Variants in CADPS2 observed in about 807,000 individuals in gnomAD.
CADPS2 encodes calcium dependent secretion activator 2, also known as calcium-dependent secretion activator 2.
Under a neutral mutation model 172.5 loss-of-function variants are expected in CADPS2, and 93 were observed. The ratio of observed to expected loss-of-function variants is 0.54; its 90% CI spans 0.46 to 0.64. The LOEUF (loss-of-function observed/expected upper bound fraction) is 0.64. Ranked by LOEUF, CADPS2 falls within the 30% of genes least tolerant of loss-of-function variation. CADPS2 has a pLI of 0.00. For synonymous variants in CADPS2, 546 were observed against 555.2 expected, an observed-to-expected ratio of 0.98 and a Z score of 0.23; for missense variants, 1,420 against 1,565.9, an observed-to-expected ratio of 0.91 and a Z score of 1.57.
chr7:122,645,573 A>G (rs2078421782), intron 3 of CADPS2, among the ~76,000 whole-genome samples: 1 of 124,596 alleles, frequency 8.0e-6, no homozygotes, highest in Admixed American at 9.0e-5. Flanking sequence ...ATATATGCAT[A>G]TTCTCTAGGC....
intron 1 of CADPS2, among the ~76,000 whole-genome samples, chr7:122,821,286 CTA>C (rs1374374765): frequency 3.3e-5 from 5 of 152,032 alleles, no homozygotes; most frequent in African/African-American, 9.7e-5. Flanking sequence ...GCAGGTTATG[CTA>C]TATAGTACAA....
chr7:122,684,268 C>T (rs1001245043), intron 2 of CADPS2, among the ~76,000 whole-genome samples: 4 of 152,048 alleles, frequency 2.6e-5, no homozygotes, highest in Non-Finnish European at 4.4e-5. Context: ...AATCTATCAA[C>T]TATGTTAAGT....
intron 1 of CADPS2, among the ~76,000 whole-genome samples, chr7:122,845,571 C>A (rs868136654): frequency 2.0e-4 from 30 of 152,192 alleles, no homozygotes; most frequent in African/African-American, 7.2e-4. Flanking sequence ...TGCCCTTTCT[C>A]CATTCTCCTC....
intron 24 of CADPS2, among the ~76,000 whole-genome samples, chr7:122,384,170 A>G (rs1011986103): frequency 6.6e-6 from 1 of 152,106 alleles, no homozygotes; most frequent in African/African-American, 2.4e-5. Context: ...CACTCCATTA[A>G]ACCCTATTCT....
At chr7:122,595,115 T>C (rs1308735429) in intron 6 of CADPS2, among the ~76,000 whole-genome samples, 1 of 151,606 alleles carries the variant, frequency 6.6e-6, no homozygotes, top group Non-Finnish European at 1.5e-5. Context: ...TCAACCTACT[T>C]GCTCCCATTT....
chr7:122,584,809 C>T (rs527970584), intron 6 of CADPS2, among the ~76,000 whole-genome samples: 7 of 151,884 alleles, frequency 4.6e-5, no homozygotes, highest in Non-Finnish European at 8.8e-5. Context: ...ATATCTTTTC[C>T]TTTTTCTTAT....
chr7:122,604,781 T>C (rs1402554031), intron 6 of CADPS2, among the ~76,000 whole-genome samples: 1 of 152,118 alleles, frequency 6.6e-6, no homozygotes, highest in Non-Finnish European at 1.5e-5. Context: ...ACATTGACAT[T>C]TAACATAAAA....
chr7:122,825,961 C>A (rs142355131), intron 1 of CADPS2, among the ~76,000 whole-genome samples: 1 of 152,098 alleles, frequency 6.6e-6, no homozygotes, highest in Non-Finnish European at 1.5e-5. Context: ...GGTGTAAGAA[C>A]GCCAAGTAGC....
At chr7:122,525,985 TATC>T (rs1454212363) in intron 8 of CADPS2, among the ~76,000 whole-genome samples, 1 of 152,086 alleles carries the variant, frequency 6.6e-6, no homozygotes, top group Non-Finnish European at 1.5e-5. Context: ...ATTGACAAAA[TATC>T]ATTATGAGCT....
chr7:122,663,059 A>C (rs1039038459), intron 3 of CADPS2, among the ~76,000 whole-genome samples, 178 bp downstream of exon 3: 1 of 152,168 alleles, frequency 6.6e-6, no homozygotes, highest in Non-Finnish European at 1.5e-5. Flanking sequence ...CCTTCTACCA[A>C]ATACTTTTTT....
chr7:122,875,442 A>T (rs1820957295), intron 1 of CADPS2, among the ~76,000 whole-genome samples: 2 of 152,210 alleles, frequency 1.3e-5, no homozygotes, highest in South Asian at 4.1e-4. Context: ...TAATACAACT[A>T]ATAAGATAAT....
intron 12 of CADPS2, among the ~76,000 whole-genome samples, chr7:122,477,103 A>G (rs919437431): frequency 4.6e-5 from 7 of 150,872 alleles, no homozygotes; most frequent in Admixed American, 4.6e-4. Flanking sequence ...AGGTAGGTAG[A>G]TAGGCTGTGT....
chr7:122,803,105 T>C (rs1332459524), intron 1 of CADPS2, among the ~76,000 whole-genome samples: 1 of 152,146 alleles, frequency 6.6e-6, no homozygotes, highest in Non-Finnish European at 1.5e-5. Context: ...CCTCTTCACT[T>C]CCTCCAACTC....
intron 28 of CADPS2, among the ~76,000 whole-genome samples, chr7:122,344,629 C>T (rs2037294133): frequency 6.6e-6 from 1 of 152,180 alleles, no homozygotes; most frequent in Admixed American, 6.5e-5. Flanking sequence ...TTTGGCTTTA[C>T]TGCAGCTTAT....
At chr7:122,738,349 G>A (rs944086326) in intron 1 of CADPS2, among the ~76,000 whole-genome samples, 7 of 151,988 alleles carry the variant, frequency 4.6e-5, no homozygotes, top group Non-Finnish European at 1.0e-4. Context: ...GTACACACAG[G>A]GGCATGTACT....
chr7:122,399,710 G>A (rs1255224754), intron 20 of CADPS2, among the ~76,000 whole-genome samples: 9 of 78,374 alleles, frequency 1.1e-4, no homozygotes, highest in Admixed American at 3.9e-4. Flanking sequence ...TTTTTGAGAC[G>A]GAGTCTCGCT....
At chr7:122,647,289 G>A (rs911704729) in intron 3 of CADPS2, among the ~76,000 whole-genome samples, 1 of 152,006 alleles carries the variant, frequency 6.6e-6, no homozygotes, top group Non-Finnish European at 1.5e-5. Flanking sequence ...ACAAGGTAGT[G>A]AACCTATCTA....
chr7:122,698,915 G>A (rs769189158), intron 2 of CADPS2: 4 of 1,571,582 alleles, frequency 2.5e-6, no homozygotes, highest in South Asian at 1.2e-5. Flanking sequence ...TTGAGTAGAT[G>A]CATCTCTCTC....
intron 1 of CADPS2, among the ~76,000 whole-genome samples, chr7:122,804,765 G>C (rs1299489807): frequency 1.3e-5 from 2 of 152,100 alleles, no homozygotes; most frequent in Non-Finnish European, 2.9e-5. Context: ...TGCTCTGTAA[G>C]ATTTCCTATG....
Sources: allele counts gnomAD v4.1 joint callset (sites outside exome capture counted in the v4.1 genomes callset), GRCh38; gene constraint gnomAD v4.1.1; transcripts MANE v1.5; gene names NCBI Gene and HGNC (gene_info 2026-07-23, HGNC 2026-07-21).